Variants in NPHP4 observed in about 807,000 individuals in gnomAD.
NPHP4 encodes nephrocystin 4, also known as nephrocystin-4.
In NPHP4, 151 loss-of-function variants were observed where a neutral mutation model predicts 155.8. The observed-to-expected ratio is 0.97, with a 90% confidence interval of 0.85 to 1.11. The LOEUF is 1.11. Ranked by LOEUF, NPHP4 falls within the 50% of genes least tolerant of loss-of-function variation. NPHP4 has a pLI of 0.00. For missense variants in NPHP4, 1,956 were observed against 1,925.7 expected (o/e 1.02, Z -0.29); for synonymous variants, 845 against 816.8 (o/e 1.03, Z -0.59).
At chr1:5,980,882 C>T (rs1016830972) in intron 2 of NPHP4, among the ~76,000 whole-genome samples, 4 of 152,128 alleles carry the variant, frequency 2.6e-5, no homozygotes, top group Non-Finnish European at 5.9e-5. Flanking sequence ...CCCATTACCA[C>T]GCTACCTCCC....
intron 25 of NPHP4, 63 bp from the exon 26 acceptor site, chr1:5,866,521 T>C (rs1641249773): frequency 7.3e-6 from 7 of 962,780 alleles, no homozygotes. Context: ...GCCTGGCCCC[T>C]AAATCTGTGA....
At chr1:5,987,283 G>A (rs1291762758) in intron 1 of NPHP4, among the ~76,000 whole-genome samples, 1 of 152,148 alleles carries the variant, frequency 6.6e-6, no homozygotes, top group Non-Finnish European at 1.5e-5. Context: ...TCAAGAAGAG[G>A]TTGAATTCCG....
chr1:5,875,647 C>T (rs1642515707), intron 20 of NPHP4, among the ~76,000 whole-genome samples: 1 of 152,230 alleles, frequency 6.6e-6, no homozygotes, highest in African/African-American at 2.4e-5. Flanking sequence ...GGGGCTTGGC[C>T]AGCACACATG....
chr1:5,875,121 G>A (rs1642448252), intron 20 of NPHP4, 21 bp from the exon 21 acceptor site: 1 of 1,561,192 alleles, frequency 6.4e-7, no homozygotes, highest in South Asian at 1.1e-5. Flanking sequence ...GAGGACATGG[G>A]TGGACAGGGT....
intron 19 of NPHP4, chr1:5,879,618 C>A (rs1240279792): frequency 3.9e-6 from 2 of 519,248 alleles, no homozygotes; most frequent in Non-Finnish European, 7.7e-6. Flanking sequence ...AGCACAGTCG[C>A]CTGCAGAGCC....
At chr1:5,951,423 T>C (rs1648021418) in intron 7 of NPHP4, among the ~76,000 whole-genome samples, 1 of 152,248 alleles carries the variant, frequency 6.6e-6, no homozygotes, top group African/African-American at 2.4e-5. Flanking sequence ...TCTCTCATTC[T>C]AGGAGGGGGA....
intron 6 of NPHP4, among the ~76,000 whole-genome samples, chr1:5,955,675 T>C (rs988316954): frequency 2.0e-5 from 3 of 152,228 alleles, no homozygotes; most frequent in Non-Finnish European, 2.9e-5. Context: ...CTTACTCATA[T>C]GTGGGATCTC....
At chr1:5,922,506 C>G (rs1645793142) in intron 11 of NPHP4, among the ~76,000 whole-genome samples, 1 of 152,086 alleles carries the variant, frequency 6.6e-6, no homozygotes, top group Admixed American at 6.5e-5. Context: ...AAGCCTCCCT[C>G]CTTCTTCAAA....
chr1:5,923,402 A>C (rs7549369), intron 11 of NPHP4, among the ~76,000 whole-genome samples: 30,387 of 152,088 alleles, frequency 0.2, 3,449 homozygotes, highest in African/African-American at 0.31. Context: ...GCCTACCCTG[A>C]CCCCAGCTTA....
intron 7 of NPHP4, among the ~76,000 whole-genome samples, chr1:5,951,561 T>TG (rs1648060797): frequency 1.3e-5 from 2 of 152,326 alleles, no homozygotes; most frequent in East Asian, 3.9e-4. Flanking sequence ...GCAAGGGGGC[T>TG]GAGCCCAGGG....
chr1:5,875,344 C>T (rs1642477755), intron 20 of NPHP4, among the ~76,000 whole-genome samples: 1 of 152,106 alleles, frequency 6.6e-6, no homozygotes, highest in South Asian at 2.1e-4. Flanking sequence ...GTCCACACAG[C>T]ATCCCTGCCT....
intron 23 of NPHP4, 193 bp from the exon 24 acceptor site, chr1:5,868,089 C>A (rs1465745931): frequency 4.1e-6 from 3 of 726,994 alleles, no homozygotes; most frequent in Non-Finnish European, 7.5e-6. Flanking sequence ...CAGGAGGGGA[C>A]CGCTAAGCAA....
chr1:5,920,636 C>T (rs933630730), intron 11 of NPHP4, among the ~76,000 whole-genome samples: 1 of 152,202 alleles, frequency 6.6e-6, no homozygotes, highest in East Asian at 1.9e-4. Flanking sequence ...TTTCATCCTC[C>T]CCCCAATCCT....
intron 11 of NPHP4, among the ~76,000 whole-genome samples, chr1:5,925,369 C>T (rs1362127579): frequency 6.6e-6 from 1 of 152,140 alleles, no homozygotes; most frequent in Non-Finnish European, 1.5e-5. Flanking sequence ...AAATACCACA[C>T]CATTTTATAT....
At chr1:5,928,964 C>A (rs934838311) in intron 10 of NPHP4, among the ~76,000 whole-genome samples, 1 of 152,182 alleles carries the variant, frequency 6.6e-6, no homozygotes, top group Non-Finnish European at 1.5e-5. Context: ...CTAAGAATAA[C>A]CACAATGACA....
At chr1:5,914,351 T>C (rs953838068) in intron 11 of NPHP4, among the ~76,000 whole-genome samples, 1 of 147,228 alleles carries the variant, frequency 6.8e-6, no homozygotes. Flanking sequence ...GGAAGATCAC[T>C]TGGGCCTGGA....
chr1:5,869,066 C>T (rs886330180), intron 23 of NPHP4, among the ~76,000 whole-genome samples: 3 of 142,746 alleles, frequency 2.1e-5, no homozygotes, highest in Non-Finnish European at 3.1e-5. Context: ...CACACACATG[C>T]ATGCCCACAT....
intron 18 of NPHP4, among the ~76,000 whole-genome samples, chr1:5,883,020 C>T (rs1277331472): frequency 2.0e-5 from 3 of 152,216 alleles, no homozygotes; most frequent in South Asian, 2.1e-4. Flanking sequence ...ACAGGGCTCC[C>T]GGTGAGAAGG....
chr1:5,869,095 A>G (rs971847999), intron 23 of NPHP4, among the ~76,000 whole-genome samples: 3 of 143,594 alleles, frequency 2.1e-5, no homozygotes, highest in Non-Finnish European at 4.6e-5. Flanking sequence ...CCACACATGC[A>G]CACATGCATG....
Sources: gnomAD v4.1 joint callset for allele counts (sites outside exome capture counted in the v4.1 genomes callset) on GRCh38, gnomAD v4.1.1 for gene constraint, MANE v1.5 for transcripts, NCBI Gene and HGNC (gene_info 2026-07-23, HGNC 2026-07-21) for gene names.